Variants in PTBP2 observed in about 807,000 individuals in gnomAD.
PTBP2 encodes the protein polypyrimidine tract binding protein 2.
Under a neutral mutation model 61.4 loss-of-function variants are expected in PTBP2, and 13 were observed. The observed-to-expected ratio is 0.21, with a 90% confidence interval of 0.14 to 0.34. PTBP2 has a LOEUF of 0.34. Ranked by LOEUF, PTBP2 falls within the 10% of genes least tolerant of loss-of-function variation. The pLI is 1.00. For synonymous variants in PTBP2, 215 were observed against 218.5 expected (o/e 0.98, Z 0.14); for missense variants, 405 against 642.6 (o/e 0.63, Z 4.00).
intron 10 of PTBP2, 41 bp from the exon 11 acceptor site, chr1:96,806,821 AAATT>A (rs771960338): frequency 2.2e-5 from 32 of 1,455,336 alleles, no homozygotes; most frequent in Middle Eastern, 1.7e-4. Context: ...CTTCCACATA[AAATT>A]AATTCCATTT....
intron 2 of PTBP2, among the ~76,000 whole-genome samples, chr1:96,733,977 A>G (rs72974581): frequency 0.064 from 9,747 of 152,220 alleles, 975 homozygotes; most frequent in African/African-American, 0.21. Context: ...CTCTTGGTCT[A>G]CGTGTGTTCC....
rs534839644 is a variant in PTBP2, at chr1:96,772,305, G to T, written c.432+1454G>T. Among the ~76,000 whole-genome samples the T allele has an allele frequency of 7.2e-5, 11 of 152,258 alleles. No homozygotes were observed. The South Asian group carries it at 2.1e-3, about 29-fold the overall frequency. ...GATAATAAGCCTCTAATCATGCCTT[G>T]ATCTTTCAGGTGACCAGTCCCCATC... On this transcript the variant is annotated intron_variant, in intron 5 of 13. Transcript: ENST00000674951.
chr1:96,804,030 T>C (rs913495764), intron 8 of PTBP2, among the ~76,000 whole-genome samples: 46 of 152,196 alleles, frequency 3.0e-4, no homozygotes, highest in African/African-American at 1.0e-3. Context: ...AATGAAAATA[T>C]GGTGACTTAA....
rs531597904 is a variant in PTBP2 at position 96,769,071 on chromosome 1, A to G, written c.116-632A>G. Among the ~76,000 whole-genome samples the G allele has an allele frequency of 7.9e-5, 12 of 152,132 alleles. No homozygotes were observed. In the South Asian group the frequency reaches 8.3e-4, roughly 10 times the overall value. On this transcript the variant is annotated intron_variant, in intron 3 of 13. Transcript: ENST00000674951. ...CAAGATACAGTCATAAATCTTGGGG[A>G]TAGTGATGAGGATACTCTCGGAGAA...
At chr1:96,812,976 AAT>A (rs776796678) in intron 12 of PTBP2, 48 bp downstream of exon 12, 74 of 1,594,402 alleles carry the variant, frequency 4.6e-5, no homozygotes, top group Non-Finnish European at 6.4e-5. Context: ...ATTTTGATAA[AAT>A]ATGAAATTTA....
At chr1:96,785,301 G>A (rs747991660) in intron 8 of PTBP2, 47 bp downstream of exon 8, 2 of 1,417,728 alleles carry the variant, frequency 1.4e-6, no homozygotes, top group Non-Finnish European at 1.9e-6. Flanking sequence ...TTTGCCAAAT[G>A]GAAAAGTACC....
At chr1:96,786,284 C>G (rs1659192648) in intron 8 of PTBP2, among the ~76,000 whole-genome samples, 1 of 152,070 alleles carries the variant, frequency 6.6e-6, no homozygotes, top group Admixed American at 6.5e-5. Flanking sequence ...ATTCTGGTAA[C>G]TAATAAGAAT....
chr1:96,791,826 C>CTTTTTTTTGTTTTTTTTTTTT (rs1482989030), intron 8 of PTBP2, among the ~76,000 whole-genome samples: 20 of 66,120 alleles, frequency 3.0e-4, no homozygotes, highest in Admixed American at 5.2e-4. Context: ...TGGAGTTGTG[C>CTTTTTTTTGTTTTTTTTTTTT]TTTTTTTTTT....
At chr1:96,802,153 G>T (rs1480514017) in intron 8 of PTBP2, among the ~76,000 whole-genome samples, 6 of 145,064 alleles carry the variant, frequency 4.1e-5, no homozygotes, top group East Asian at 4.2e-4. Flanking sequence ...GGAGCTTGCA[G>T]TGAGCCGAGA....
At chr1:96,823,166 G>A in exon 14 of PTBP2, 1 of 152,360 alleles carries the variant, frequency 6.6e-6, no homozygotes, top group Non-Finnish European at 1.5e-5. Context: ...TCACCATGTT[G>A]GCCAGGCTGG....
chr1:96,805,002 G>T, intron 9 of PTBP2, 63 bp downstream of exon 9: 2 of 1,373,536 alleles, frequency 1.5e-6, no homozygotes, highest in Non-Finnish European at 1.9e-6. Context: ...AGTTTTTCAT[G>T]TTTATTTCAT....
chr1:96,783,913 C>T (rs185149724), intron 7 of PTBP2, among the ~76,000 whole-genome samples: 12 of 152,050 alleles, frequency 7.9e-5, no homozygotes, highest in Admixed American at 5.2e-4. Flanking sequence ...CAGTTTTTAC[C>T]AGTGCTGTAT....
chr1:96,802,983 T>C (rs1422983086), intron 8 of PTBP2, among the ~76,000 whole-genome samples: 2 of 152,284 alleles, frequency 1.3e-5, no homozygotes, highest in South Asian at 2.1e-4. Flanking sequence ...AAAAAATTGT[T>C]GTGTGTAGGA....
rs754203852 is a variant in PTBP2, at chr1:96,777,565, T to G, written c.433-20T>G. Reference sequence around the variant, plus strand: ...GACAATAATGGGTATGTTTCTAAACTACATAATCTTAATTTCCAGCGTGCT... The same window carrying G: ...GACAATAATGGGTATGTTTCTAAACGACATAATCTTAATTTCCAGCGTGCT... On this transcript the variant is annotated intron_variant, in intron 5 of 13. Transcript: ENST00000674951. 3 of 1,590,294 alleles carry G rather than the reference T, an allele frequency of 1.9e-6. No homozygotes were observed. The highest frequency in any genetic ancestry group is 2.6e-6 in the Non-Finnish European group (3 of 1,169,536).
At chr1:96,747,868 T>C (rs372008280) in intron 2 of PTBP2, among the ~76,000 whole-genome samples, 7 of 152,240 alleles carry the variant, frequency 4.6e-5, no homozygotes, top group Admixed American at 1.3e-4. Flanking sequence ...GTTTTCCCTG[T>C]ATTTGTGTAT....
chr1:96,777,152 A>C (rs1186396826), intron 5 of PTBP2, among the ~76,000 whole-genome samples: 1 of 152,122 alleles, frequency 6.6e-6, no homozygotes, highest in Admixed American at 6.6e-5. Context: ...TAGAAATAAT[A>C]AGCTTTATGG....
intron 5 of PTBP2, among the ~76,000 whole-genome samples, chr1:96,776,335 T>A (rs1658038283): frequency 6.6e-6 from 1 of 151,066 alleles, no homozygotes; most frequent in Non-Finnish European, 1.5e-5. Flanking sequence ...ATTTTTTCAA[T>A]AATAGTATCA....
At chr1:96,764,239 GTAAA>G (rs1158718659) in intron 3 of PTBP2, among the ~76,000 whole-genome samples, 8 of 152,186 alleles carry the variant, frequency 5.3e-5, no homozygotes, top group South Asian at 2.1e-4. Context: ...TTAATCTCAG[GTAAA>G]TAAATGTTTA....
chr1:96,747,057 C>CA (rs1157590740), intron 2 of PTBP2, among the ~76,000 whole-genome samples: 9 of 151,586 alleles, frequency 5.9e-5, no homozygotes, highest in Non-Finnish European at 1.3e-4. Flanking sequence ...GCTCAGTACC[C>CA]AACAGTTAGA....
Sources: gnomAD v4.1 joint callset for allele counts (sites outside exome capture counted in the v4.1 genomes callset) on GRCh38, gnomAD v4.1.1 for gene constraint, MANE v1.5 for transcripts, NCBI Gene and HGNC (gene_info 2026-07-23, HGNC 2026-07-21) for gene names.